FSTL5: variants seen among roughly 807,000 people sequenced by gnomAD.
FSTL5 encodes the protein follistatin-related protein 5.
In FSTL5, 62 loss-of-function variants were observed where a neutral mutation model predicts 89.1. That is an observed-to-expected ratio of 0.70 (90% CI 0.57 to 0.86). The LOEUF (loss-of-function observed/expected upper bound fraction) is 0.86, where lower values mean the gene tolerates loss of function less well. Among genes scored for constraint, FSTL5 ranks in the 40% least tolerant of loss-of-function variants. The pLI is 0.00. For synonymous variants in FSTL5, 383 were observed against 346.2 expected, an observed-to-expected ratio of 1.11 and a Z score of -1.18; for missense variants, 1,057 against 1,001.6, an observed-to-expected ratio of 1.06 and a Z score of -0.75.
At chr4:161,656,017 C>A (rs1047457336) in intron 7 of FSTL5, among the ~76,000 whole-genome samples, 2 of 152,120 alleles carry the variant, frequency 1.3e-5, no homozygotes, top group Non-Finnish European at 2.9e-5. Context: ...ATAAATCCTA[C>A]ATGTGGATTT....
Position 161,502,031 on chromosome 4 carries a change from C to T in FSTL5, c.1340-1897G>A, listed in dbSNP as rs114255529. Among the ~76,000 whole-genome samples the T allele has an allele frequency of 3.8e-3, 581 of 152,046 alleles. 3 individuals carry two copies. Among genetic ancestry groups the T allele is most frequent in the African/African-American group, 0.013 (532 of 41,540 alleles). On this transcript the variant is annotated intron_variant, in intron 11 of 15. Coordinates refer to ENST00000306100, the MANE Select transcript of FSTL5 (RefSeq NM_020116.5). ...TACATACTATGTTTGATTTTTATTA[C>T]TAAGCTCTTAACATTTTTCAGTGAA... is the stretch of plus-strand genomic sequence containing the variant.
At chr4:161,619,212 C>T (rs1450883799) in intron 7 of FSTL5, among the ~76,000 whole-genome samples, 6 of 152,048 alleles carry the variant, frequency 3.9e-5, no homozygotes, top group Admixed American at 2.0e-4. Context: ...AAGACTTAAA[C>T]GTTAGACCTA....
At chr4:161,781,395 A>C (rs1158646949) in intron 4 of FSTL5, among the ~76,000 whole-genome samples, 1 of 152,082 alleles carries the variant, frequency 6.6e-6, no homozygotes, top group East Asian at 1.9e-4. Context: ...GAAAGTGTCA[A>C]TTGTATTGTG....
chr4:161,660,021 T>A (rs1736651233), intron 6 of FSTL5, among the ~76,000 whole-genome samples: 1 of 152,206 alleles, frequency 6.6e-6, no homozygotes, highest in Admixed American at 6.5e-5. Flanking sequence ...ACATATAGGC[T>A]AAGTGTAACA....
At chr4:161,408,249 CTA>C (rs1731458514) in intron 15 of FSTL5, among the ~76,000 whole-genome samples, 1 of 152,170 alleles carries the variant, frequency 6.6e-6, no homozygotes, top group Admixed American at 6.5e-5. Context: ...GAGTAAGAAC[CTA>C]TCTACTGCCC....
chr4:161,795,308 T>A (rs1235720356), intron 4 of FSTL5, among the ~76,000 whole-genome samples: 1 of 152,138 alleles, frequency 6.6e-6, no homozygotes, highest in Admixed American at 6.5e-5. Flanking sequence ...TGTCTAAATT[T>A]ATTTAAAATG....
At chr4:161,874,644 T>C (rs899080535) in intron 4 of FSTL5, among the ~76,000 whole-genome samples, 4 of 151,768 alleles carry the variant, frequency 2.6e-5, no homozygotes, top group African/African-American at 9.7e-5. Flanking sequence ...TTGTCTGTGC[T>C]ACATTCAGGG....
At position 161,659,289 on chromosome 4, in the gene FSTL5, C is replaced by T. The variant is rs989458774; in HGVS notation, c.728-2795G>A. On this transcript the variant is annotated intron_variant, in intron 6 of 15. Transcript: ENST00000306100. Reference sequence around the variant, plus strand: ...AGATTTGTTTTCTGCATATTTCATGCTGTATGTTTCACCTCTTCCCTACTA... The same window carrying T: ...AGATTTGTTTTCTGCATATTTCATGTTGTATGTTTCACCTCTTCCCTACTA... 2.0e-5 allele frequency among the ~76,000 whole-genome samples: 3 copies of T among 152,158 alleles called. No homozygotes were observed. In the South Asian group the frequency reaches 6.2e-4, roughly 32 times the overall value.
chr4:161,926,218 C>A (rs970570131), intron 3 of FSTL5, among the ~76,000 whole-genome samples: 2 of 151,638 alleles, frequency 1.3e-5, no homozygotes, highest in Non-Finnish European at 2.9e-5. Context: ...ACTTTGCAGT[C>A]GGTCAAAAAA....
At chr4:161,741,800 G>C (rs1345450942) in intron 6 of FSTL5, among the ~76,000 whole-genome samples, 2 of 149,958 alleles carry the variant, frequency 1.3e-5, no homozygotes, top group East Asian at 3.9e-4. Context: ...CAATTCTCCT[G>C]CCTCAGCCCC....
intron 13 of FSTL5, among the ~76,000 whole-genome samples, chr4:161,474,342 C>CA (rs1560912561): frequency 6.6e-6 from 1 of 151,932 alleles, no homozygotes. Context: ...ATGTAGAAAA[C>CA]AAAAAGGGTT....
chr4:162,069,457 A>G (rs568473356), intron 2 of FSTL5, among the ~76,000 whole-genome samples: 1 of 152,006 alleles, frequency 6.6e-6, no homozygotes, highest in Non-Finnish European at 1.5e-5. Flanking sequence ...ACTATAGTCA[A>G]CCCACAGTTC....
At chr4:161,470,090 T>G (rs1033777074) in intron 13 of FSTL5, among the ~76,000 whole-genome samples, 1 of 152,120 alleles carries the variant, frequency 6.6e-6, no homozygotes, top group Non-Finnish European at 1.5e-5. Flanking sequence ...GAATGAATAA[T>G]TTTTTAAAAA....
chr4:161,597,889 G>A (rs1734082808), intron 7 of FSTL5, among the ~76,000 whole-genome samples: 1 of 152,014 alleles, frequency 6.6e-6, no homozygotes, highest in Non-Finnish European at 1.5e-5. Context: ...ATAGCTATAA[G>A]AGATCACAAA....
chr4:162,058,442 T>C (rs1034043283), intron 2 of FSTL5, among the ~76,000 whole-genome samples: 6 of 141,620 alleles, frequency 4.2e-5, no homozygotes, highest in Non-Finnish European at 9.4e-5. Context: ...TTTTTTTTTT[T>C]TTGAGACAGG....
chr4:161,531,781 A>G (rs1320003551), intron 10 of FSTL5, among the ~76,000 whole-genome samples: 1 of 152,138 alleles, frequency 6.6e-6, no homozygotes, highest in Non-Finnish European at 1.5e-5. Context: ...GCCCCTACAT[A>G]CTCATATCTG....
intron 15 of FSTL5, among the ~76,000 whole-genome samples, chr4:161,399,107 T>C (rs1731097819): frequency 6.6e-6 from 1 of 152,130 alleles, no homozygotes; most frequent in Non-Finnish European, 1.5e-5. Context: ...AGTCTGTGCA[T>C]GGACTGAAGA....
At chr4:161,454,875 C>T in intron 15 of FSTL5, 129 bp downstream of exon 15, 1 of 796,048 alleles carries the variant, frequency 1.3e-6, no homozygotes, top group Non-Finnish European at 2.0e-6. Context: ...GCAGATATGA[C>T]AAAGCTAAAG....
At position 161,384,336 on chromosome 4, in the gene FSTL5, TAAAAAC is replaced by T. The variant is rs1396367627; in HGVS notation, c.*1405_*1410del. ...GCCCATTAACATTTTTTTGCAACAA[TAAAAAC>T]AAAAATAAGTACAAGGATTTTCAAA... On this transcript the variant is annotated 3_prime_UTR_variant, in exon 16 of 16. Transcript: ENST00000306100. The T allele has an allele frequency of 6.6e-6, 1 of 152,054 alleles. No individual in the cohort carries two copies. The highest frequency in any genetic ancestry group is 1.5e-5 in the Non-Finnish European group (1 of 67,954). The allele number at this position is 152,054 out of a possible 1,614,324, so 9.4% of individuals were successfully genotyped here. A position where few individuals can be genotyped will look rare whatever the true frequency, so the allele number is the denominator to read the frequency against.
Sources: gnomAD v4.1 joint callset for allele counts (sites outside exome capture counted in the v4.1 genomes callset) on GRCh38, gnomAD v4.1.1 for gene constraint, MANE v1.5 for transcripts, NCBI Gene and HGNC (gene_info 2026-07-23, HGNC 2026-07-21) for gene names.